RALGPS2: variants seen among roughly 807,000 people sequenced by gnomAD.
RALGPS2 encodes ras-specific guanine nucleotide-releasing factor RalGPS2.
A neutral mutation model predicts 86.8 loss-of-function variants in RALGPS2; 43 were observed. That is an observed-to-expected ratio of 0.50 (90% CI 0.39 to 0.64). The LOEUF is 0.64. Ranked by LOEUF, RALGPS2 falls within the 30% of genes least tolerant of loss-of-function variation. RALGPS2 has a pLI of 0.00. For missense variants in RALGPS2, 536 were observed against 694.6 expected (o/e 0.77, Z 2.57); for synonymous variants, 243 against 231.3 (o/e 1.05, Z -0.46).
rs749968926 is a variant in RALGPS2, at chr1:178,741,862, G to A, written c.-84+16443G>A. 3.0e-4 allele frequency among the ~76,000 whole-genome samples: 45 copies of A among 152,268 alleles called. 1 individual carries two copies. Among genetic ancestry groups the A allele is most frequent in the Middle Eastern group, 3.4e-3 (1 of 294 alleles). ...CATTTAAGAAGCAGAAATGGGCTGG[G>A]CATGGTGGCTCACGCCTGTAATCCC... On this transcript the variant is annotated intron_variant, in intron 1 of 19. Coordinates refer to ENST00000367635, the MANE Select transcript of RALGPS2 (RefSeq NM_152663.5).
intron 8 of RALGPS2, among the ~76,000 whole-genome samples, chr1:178,861,328 T>C (rs1234185630): frequency 6.6e-6 from 1 of 152,192 alleles, no homozygotes; most frequent in Non-Finnish European, 1.5e-5. Flanking sequence ...CCTTAATTTT[T>C]GTGTTAAAGA....
At position 178,886,078 on chromosome 1, in the gene RALGPS2, G is replaced by C; in HGVS notation, c.1150G>C (p.Gly384Arg). 1 of 1,613,498 alleles carries C rather than the reference G, an allele frequency of 6.2e-7. No individual in the cohort carries two copies. Among genetic ancestry groups the C allele is most frequent in the Non-Finnish European group, 8.5e-7 (1 of 1,179,860 alleles). Residue 384 changes from glycine (G) to arginine (R), a missense_variant, in exon 13 of 20, where the codon GGC becomes CGC. Gly to Arg is a moderately radical substitution (Grantham distance 125, BLOSUM62 -2). Around this residue, in one of 3 missense-constraint regions of RALGPS2, gnomAD observed 309 missense variants for 363.0 expected, o/e 0.85. Transcript: ENST00000367635. ...SVMEPHAPSR[G>R]QAESSTLSSG... ...CATGGAGCCCCATGCGCCATCTCGA[G>C]GCCAAGCTGAAAGTTCTACTCTTTC...
intron 4 of RALGPS2, among the ~76,000 whole-genome samples, chr1:178,790,298 A>C (rs977674906): frequency 2.0e-5 from 3 of 152,186 alleles, no homozygotes; most frequent in Admixed American, 2.0e-4. Flanking sequence ...AGAGTGTATT[A>C]AATCTGGCCA....
chr1:178,811,434 G>A, intron 6 of RALGPS2, 30 bp downstream of exon 6: 1 of 1,363,604 alleles, frequency 7.3e-7, no homozygotes, highest in Non-Finnish European at 1.0e-6. Context: ...TTATTTTTGA[G>A]TTCAACCATT....
At chr1:178,735,155 A>G (rs1436683746) in intron 1 of RALGPS2, among the ~76,000 whole-genome samples, 1 of 152,214 alleles carries the variant, frequency 6.6e-6, no homozygotes, top group Non-Finnish European at 1.5e-5. Context: ...AACACTGTAC[A>G]GTACTGGAAA....
rs1170714837 is a variant in RALGPS2 at position 178,844,101 on chromosome 1, A to G, written c.607+10551A>G. ...CTGTACATTTGATAGAAGTTGCCCT[A>G]AGAACAATTAAAAGGTAAAACTCAT... On this transcript the variant is annotated intron_variant, in intron 8 of 19. Coordinates refer to ENST00000367635, the MANE Select transcript of RALGPS2 (RefSeq NM_152663.5). Among the ~76,000 whole-genome samples, 8 of 152,344 alleles carry G rather than the reference A, an allele frequency of 5.3e-5. No homozygotes were observed. In the East Asian group the frequency reaches 1.5e-3, roughly 29 times the overall value.
chr1:178,794,069 C>A (rs1654079183), intron 4 of RALGPS2, among the ~76,000 whole-genome samples: 3 of 152,076 alleles, frequency 2.0e-5, no homozygotes, highest in Admixed American at 2.0e-4. Flanking sequence ...AATATGATTT[C>A]TCTTTTGATC....
At chr1:178,840,763 A>G (rs1023231710) in intron 8 of RALGPS2, among the ~76,000 whole-genome samples, 1 of 152,184 alleles carries the variant, frequency 6.6e-6, no homozygotes. Context: ...GACTATATAT[A>G]TAATAAAGAA....
intron 1 of RALGPS2, among the ~76,000 whole-genome samples, chr1:178,767,908 C>T (rs1652593932): frequency 6.6e-6 from 1 of 152,122 alleles, no homozygotes; most frequent in African/African-American, 2.4e-5. Flanking sequence ...AACGGGAGGC[C>T]ATGCCATCCA....
chr1:178,760,296 T>G (rs1218271053), intron 1 of RALGPS2, among the ~76,000 whole-genome samples: 1 of 152,222 alleles, frequency 6.6e-6, no homozygotes, highest in African/African-American at 2.4e-5. Context: ...TGTTGAAGTT[T>G]CCCACTACTA....
chr1:178,736,181 T>G (rs116092635), intron 1 of RALGPS2, among the ~76,000 whole-genome samples: 1 of 148,544 alleles, frequency 6.7e-6, no homozygotes, highest in African/African-American at 2.5e-5. Flanking sequence ...TTTTTTTTTT[T>G]CTGAGACAGA....
chr1:178,730,800 T>A (rs964414833), intron 1 of RALGPS2, among the ~76,000 whole-genome samples: 4 of 151,828 alleles, frequency 2.6e-5, no homozygotes, highest in Admixed American at 2.6e-4. Flanking sequence ...TTCCCGGGTT[T>A]AAGCGATTCT....
intron 7 of RALGPS2, among the ~76,000 whole-genome samples, chr1:178,831,279 A>C (rs999124924): frequency 2.0e-5 from 3 of 152,226 alleles, no homozygotes; most frequent in Non-Finnish European, 4.4e-5. Context: ...TCACAAACAA[A>C]AGATTATAAT....
At chr1:178,892,477 T>G (rs1659757742) in intron 15 of RALGPS2, among the ~76,000 whole-genome samples, 170 bp downstream of exon 15, 1 of 152,130 alleles carries the variant, frequency 6.6e-6, no homozygotes, top group Non-Finnish European at 1.5e-5. Flanking sequence ...AAGATAAATT[T>G]CAACTATTCT....
intron 4 of RALGPS2, among the ~76,000 whole-genome samples, chr1:178,791,246 A>G (rs866019982): frequency 3.3e-5 from 5 of 151,010 alleles, no homozygotes; most frequent in Middle Eastern, 3.5e-3. Flanking sequence ...TCAGCCTGCC[A>G]AGTATCTAAG....
intron 1 of RALGPS2, among the ~76,000 whole-genome samples, chr1:178,763,779 A>T (rs1188980198): frequency 1.3e-5 from 2 of 151,784 alleles, no homozygotes; most frequent in Non-Finnish European, 2.9e-5. Flanking sequence ...AGGTTGCTTA[A>T]TTTTCATGTA....
Position 178,821,693 on chromosome 1 carries a change from A to G in RALGPS2, c.469A>G (p.Lys157Glu). The G allele has an allele frequency of 6.2e-7, 1 of 1,610,544 alleles. No individual in the cohort carries two copies. The highest frequency in any genetic ancestry group is 8.5e-7 in the Non-Finnish European group (1 of 1,176,900). Residue 157 changes from lysine to glutamate, a missense_variant, in exon 7 of 20, where the codon AAA (lysine) becomes GAA (glutamate). Transcript: ENST00000367635. ...LQSAPIFRLT[K>E]TWALLSRKDK... ...GAGTGCCCCAATTTTCAGGTTGACT[A>G]AAACATGGGCGGTGAGTAATATTCT...
intron 11 of RALGPS2, among the ~76,000 whole-genome samples, 178 bp downstream of exon 11, chr1:178,883,711 C>T (rs1488494064): frequency 1.3e-5 from 2 of 152,084 alleles, no homozygotes. Flanking sequence ...GCTGGCCGGG[C>T]AGGGTGGCTC....
In RALGPS2 at chr1:178,833,049, G is replaced by A. The variant is rs1656102247; in HGVS notation, c.481-375G>A. On this transcript the variant is annotated intron_variant, in intron 7 of 19. Transcript: ENST00000367635. ...TTTCTTAACATTATGCAAGAATGAT[G>A]TTTATCTTTGAGGTGGCAAGGGACA... 5.9e-5 allele frequency among the ~76,000 whole-genome samples: 9 copies of A among 152,114 alleles called. No homozygotes were observed. In the South Asian group the frequency reaches 1.9e-3, roughly 32 times the overall value.
Sources: gnomAD v4.1 joint callset for allele counts (sites outside exome capture counted in the v4.1 genomes callset) on GRCh38, gnomAD v4.1.1 for gene constraint, gnomAD v4.1.1 regional missense constraint, MANE v1.5 for transcripts, NCBI Gene and HGNC (gene_info 2026-07-23, HGNC 2026-07-21) for gene names.